The following PPP4R1 variants were observed in gnomAD, a reference collection of about 807,000 sequenced individuals.
The protein encoded by PPP4R1 is protein phosphatase 4 regulatory subunit 1.
A neutral mutation model predicts 111.2 loss-of-function variants in PPP4R1; 42 were observed. The ratio of observed to expected loss-of-function variants is 0.38; its 90% CI spans 0.29 to 0.49. PPP4R1 has a LOEUF of 0.49. Ranked by LOEUF, PPP4R1 falls within the 20% of genes least tolerant of loss-of-function variation. The pLI is 0.97. For missense variants in PPP4R1, 1,012 were observed against 1,161.6 expected, an observed-to-expected ratio of 0.87 and a Z score of 1.87; for synonymous variants, 409 against 405.5, an observed-to-expected ratio of 1.01 and a Z score of -0.10.
intron 2 of PPP4R1, among the ~76,000 whole-genome samples, chr18:9,607,212 T>A (rs1479086536): frequency 6.6e-6 from 1 of 151,742 alleles, no homozygotes; most frequent in Non-Finnish European, 1.5e-5. Flanking sequence ...TACAAAAAAA[T>A]TAGCCAGGCG....
intron 16 of PPP4R1, 93 bp from the exon 17 acceptor site, chr18:9,550,491 A>G: frequency 3.6e-6 from 5 of 1,380,060 alleles, no homozygotes; most frequent in Non-Finnish European, 5.0e-6. Flanking sequence ...ATACTGGATT[A>G]CTGAGCACCT....
At chr18:9,602,109 C>T (rs111469585) in intron 2 of PPP4R1, among the ~76,000 whole-genome samples, 1 of 152,118 alleles carries the variant, frequency 6.6e-6, no homozygotes. Flanking sequence ...ACTGTCATAG[C>T]TCCAGAAGTA....
intron 2 of PPP4R1, among the ~76,000 whole-genome samples, chr18:9,607,783 C>CTTTTTTTT (rs59033925): frequency 5.6e-5 from 7 of 125,334 alleles, no homozygotes; most frequent in Non-Finnish European, 8.5e-5. Flanking sequence ...TTCTTTCTTT[C>CTTTTTTTT]TTTTTTTTTT....
chr18:9,571,023 AATC>A (rs2066854005), intron 10 of PPP4R1, among the ~76,000 whole-genome samples: 1 of 152,208 alleles, frequency 6.6e-6, no homozygotes, highest in Non-Finnish European at 1.5e-5. Context: ...AAATTCCTAC[AATC>A]ATTTTAAGAT....
chr18:9,581,424 T>C (rs1362506480), intron 9 of PPP4R1, among the ~76,000 whole-genome samples: 1 of 152,090 alleles, frequency 6.6e-6, no homozygotes, highest in Non-Finnish European at 1.5e-5. Context: ...AAAAGTGCAA[T>C]GACTAAAATA....
chr18:9,588,152 G>A lies in PPP4R1; in HGVS notation c.522C>T (p.Cys174=). 1 of 1,614,112 alleles carries A rather than the reference G, an allele frequency of 6.2e-7. No homozygotes were observed. The highest frequency in any genetic ancestry group is 8.5e-7 in the Non-Finnish European group (1 of 1,180,014). ...IERFDVETKV[C]PVLIELTAPD... is the part of the protein sequence containing the mutation. ...GGGCTGTCAGCTCTATGAGGACAGGGCACACTTTGGTCTCCACATCAAATC... is the reference window on the plus strand; with the variant it reads ...GGGCTGTCAGCTCTATGAGGACAGGACACACTTTGGTCTCCACATCAAATC... The change falls in exon 6 of 20, where the codon TGC becomes TGT. Residue 174 remains cysteine (C), a synonymous_variant. Coordinates refer to ENST00000400556, the MANE Select transcript of PPP4R1 (RefSeq NM_001042388.3).
intron 15 of PPP4R1, 174 bp downstream of exon 15, chr18:9,557,047 T>G: frequency 1.8e-6 from 1 of 545,734 alleles, no homozygotes; most frequent in Non-Finnish European, 3.1e-6. Context: ...GTTTTAAAAG[T>G]GAGAGTATAA....
chr18:9,551,737 A>AT (rs1568082182), intron 16 of PPP4R1: 1 of 152,262 alleles, frequency 6.6e-6, no homozygotes, highest in Non-Finnish European at 1.5e-5. Flanking sequence ...AATGCTCCTT[A>AT]TTCCAGGAGG....
intron 2 of PPP4R1, among the ~76,000 whole-genome samples, chr18:9,599,396 A>C (rs2067343474): frequency 6.6e-6 from 1 of 152,234 alleles, no homozygotes; most frequent in Admixed American, 6.5e-5. Context: ...CCACCTAAGT[A>C]ATCTAAAAGA....
rs369566996 is a variant in PPP4R1, at chr18:9,562,056, T to C, written c.1766A>G (p.His589Arg). Reference protein sequence around the residue: ...DAVENMDSTLHYIHSDSDLSN... With the variant: ...DAVENMDSTLRYIHSDSDLSN... Reference sequence around the variant, plus strand: ...CAAGTCTGAATCGCTGTGAATATAGTGAAGAGTGGAGTCCATATTCTGTTA... The same window carrying C: ...CAAGTCTGAATCGCTGTGAATATAGCGAAGAGTGGAGTCCATATTCTGTTA... Residue 589 changes from histidine (H) to arginine (R), a missense_variant, in exon 13 of 20, where the codon CAC becomes CGC. His to Arg is a conservative substitution (Grantham distance 29, BLOSUM62 0). Coordinates refer to ENST00000400556, the MANE Select transcript of PPP4R1 (RefSeq NM_001042388.3). 3.7e-6 allele frequency: 6 copies of C among 1,611,554 alleles called. No homozygotes were observed. The highest frequency in any genetic ancestry group is 5.1e-6 in the Non-Finnish European group (6 of 1,178,004).
chr18:9,616,501 T>C (rs1014518109), upstream of PPP4R1, among the ~76,000 whole-genome samples: 3 of 152,206 alleles, frequency 2.0e-5, no homozygotes, highest in African/African-American at 7.2e-5. Flanking sequence ...CTTGAACTCC[T>C]GGCCTCAAGC....
At chr18:9,612,182 C>G (rs535557911) in intron 2 of PPP4R1, among the ~76,000 whole-genome samples, 31 of 152,234 alleles carry the variant, frequency 2.0e-4, no homozygotes, top group African/African-American at 7.0e-4. Flanking sequence ...GGAATTGTTC[C>G]AAGTGCTTCA....
intron 18 of PPP4R1, 85 bp from the exon 19 acceptor site, chr18:9,549,423 C>T (rs1420818020): frequency 9.4e-6 from 14 of 1,496,934 alleles, no homozygotes; most frequent in Non-Finnish European, 1.2e-5. Context: ...TCTGAGTGAC[C>T]ACAGGTACAA....
chr18:9,547,668 G>C lies in PPP4R1; in HGVS notation c.*121C>G. On this transcript the variant is annotated 3_prime_UTR_variant, in exon 20 of 20. Coordinates refer to ENST00000400556, the MANE Select transcript of PPP4R1 (RefSeq NM_001042388.3). ...GGTGTAGGCAACTTGCACCTGCAAT[G>C]AAGTCCGCAGGAGAGGAAGGTCTCT... is the stretch of plus-strand genomic sequence containing the variant. 2 of 1,238,124 alleles carry C rather than the reference G, an allele frequency of 1.6e-6. No homozygotes were observed. Among genetic ancestry groups the C allele is most frequent in the Non-Finnish European group, 2.3e-6 (2 of 880,658 alleles). The allele number at this position is 1,238,124 out of a possible 1,614,324, so 76.7% of individuals were successfully genotyped here.
chr18:9,551,505 T>C (rs1162215499), intron 16 of PPP4R1: 1 of 152,236 alleles, frequency 6.6e-6, no homozygotes, highest in Non-Finnish European at 1.5e-5. Flanking sequence ...TTCCACAGGG[T>C]ACCTGCCTCC....
At chr18:9,548,788 G>A (rs1285884103) in intron 19 of PPP4R1, among the ~76,000 whole-genome samples, 1 of 152,082 alleles carries the variant, frequency 6.6e-6, no homozygotes, top group Non-Finnish European at 1.5e-5. Flanking sequence ...CGTGGTGGCG[G>A]GCACCTGTAA....
chr18:9,588,239 G>T lies in PPP4R1; in HGVS notation c.439-4C>A. 6.2e-7 allele frequency: 1 copy of T among 1,611,270 alleles called. No individual in the cohort carries two copies. The highest frequency in any genetic ancestry group is 8.5e-7 in the Non-Finnish European group (1 of 1,179,050). ...CTGCCTGACTTGTTTTCCTCACCTAGGAGAAAAATAACAACACAAAGAAAG... is the reference window on the plus strand; with the variant it reads ...CTGCCTGACTTGTTTTCCTCACCTATGAGAAAAATAACAACACAAAGAAAG... On this transcript the variant is annotated splice_region_variant and splice_polypyrimidine_tract_variant and intron_variant, in intron 5 of 19. Transcript: ENST00000400556.
intron 4 of PPP4R1, among the ~76,000 whole-genome samples, 173 bp from the exon 5 acceptor site, chr18:9,589,026 C>T (rs1036442349): frequency 2.0e-5 from 3 of 152,210 alleles, no homozygotes; most frequent in Non-Finnish European, 4.4e-5. Flanking sequence ...AGATCAATCC[C>T]ATGAGTGAAA....
At position 9,588,751 on chromosome 18, in the gene PPP4R1, A is replaced by T; in HGVS notation, c.398T>A (p.Leu133Gln). Reference sequence around the variant, plus strand: ...TGCAAGGTATCTAACCACAATAGGTAGTAAGAATTTTGAAAAAGCATATGG... The same window carrying T: ...TGCAAGGTATCTAACCACAATAGGTTGTAAGAATTTTGAAAAAGCATATGG... ...SIPYAFSKFL[L>Q]PIVVRYLADQ... Residue 133 changes from leucine (L) to glutamine (Q), a missense_variant, in exon 5 of 20, where the codon CTA becomes CAA. Coordinates refer to ENST00000400556, the MANE Select transcript of PPP4R1 (RefSeq NM_001042388.3). 6.2e-7 allele frequency: 1 copy of T among 1,613,198 alleles called. No individual in the cohort carries two copies. The highest frequency in any genetic ancestry group is 8.5e-7 in the Non-Finnish European group (1 of 1,179,146).
Sources: allele counts gnomAD v4.1 joint callset (sites outside exome capture counted in the v4.1 genomes callset), GRCh38; gene constraint gnomAD v4.1.1; transcripts MANE v1.5; gene names NCBI Gene and HGNC (gene_info 2026-07-23, HGNC 2026-07-21).